The following CSMD1 variants were observed in gnomAD, a reference collection of about 807,000 sequenced individuals.
CSMD1 encodes CUB and sushi domain-containing protein 1.
A neutral mutation model predicts 417.5 loss-of-function variants in CSMD1; 213 were observed. The observed-to-expected ratio is 0.51, with a 90% CI of 0.46 to 0.57. CSMD1 has a LOEUF of 0.57. Among genes scored for constraint, CSMD1 ranks in the 20% least tolerant of loss-of-function variants. The pLI, the probability that CSMD1 is intolerant of heterozygous loss-of-function variation, is 0.00. For missense variants in CSMD1, 6,923 were observed against 4,529.7 expected (o/e 1.53, Z -15.17); for synonymous variants, 2,862 against 1,736.8 (o/e 1.65, Z -16.11).
chr8:3,513,821 T>A (rs1242707201), intron 10 of CSMD1, among the ~76,000 whole-genome samples: 7 of 152,108 alleles, frequency 4.6e-5, no homozygotes, highest in Non-Finnish European at 1.0e-4. Flanking sequence ...GAGTACAGAA[T>A]AAGAAAACTG....
intron 1 of CSMD1, among the ~76,000 whole-genome samples, chr8:4,768,336 C>A (rs929816378): frequency 6.6e-6 from 1 of 151,974 alleles, no homozygotes; most frequent in East Asian, 1.9e-4. Context: ...TAACATGAGC[C>A]GGTACACAGA....
At chr8:3,679,855 C>A (rs187637505) in intron 7 of CSMD1, among the ~76,000 whole-genome samples, 7 of 152,184 alleles carry the variant, frequency 4.6e-5, no homozygotes, top group Non-Finnish European at 2.9e-5. Context: ...ACAGTGCAAT[C>A]AAACAAGAAC....
chr8:3,559,494 G>T (rs80346431), intron 10 of CSMD1, among the ~76,000 whole-genome samples: 16,917 of 136,344 alleles, frequency 0.12, 1,055 homozygotes, highest in Middle Eastern at 0.19. Context: ...AAGGCACCGT[G>T]AAGAAGAAGA....
intron 3 of CSMD1, among the ~76,000 whole-genome samples, chr8:4,064,774 C>A (rs1273681996): frequency 1.3e-5 from 2 of 152,132 alleles, no homozygotes; most frequent in Non-Finnish European, 2.9e-5. Flanking sequence ...CAATCCAGTC[C>A]ATTTAGAAAC....
At chr8:3,349,463 C>T (rs181317962) in intron 21 of CSMD1, among the ~76,000 whole-genome samples, 1 of 151,990 alleles carries the variant, frequency 6.6e-6, no homozygotes, top group Admixed American at 6.6e-5. Flanking sequence ...GAGGAGAACG[C>T]TTGACATCCT....
At position 4,440,159 on chromosome 8, in the gene CSMD1, C is replaced by T. The variant is rs191876335; in HGVS notation, c.303-20094G>A. Among the ~76,000 whole-genome samples the T allele has an allele frequency of 1.6e-3, 248 of 152,212 alleles. 2 individuals carry two copies. Among genetic ancestry groups the T allele is most frequent in the African/African-American group, 5.4e-3 (224 of 41,546 alleles). ...GGTGTAAATTTCTTGCTAATTTGGACGTTTCTTTCTAGATTAATAATGTAG... is the reference window on the plus strand; with the variant it reads ...GGTGTAAATTTCTTGCTAATTTGGATGTTTCTTTCTAGATTAATAATGTAG... On this transcript the variant is annotated intron_variant, in intron 2 of 69. Transcript: ENST00000635120.
intron 24 of CSMD1, 130 bp downstream of exon 24, chr8:3,308,182 A>G (rs1290325865): frequency 4.2e-6 from 3 of 711,748 alleles, no homozygotes; most frequent in Admixed American, 2.9e-5. Flanking sequence ...AAATCTCAGA[A>G]TACATAAAAC....
At chr8:3,603,448 G>A (rs961776756) in intron 8 of CSMD1, among the ~76,000 whole-genome samples, 1 of 152,066 alleles carries the variant, frequency 6.6e-6, no homozygotes, top group African/African-American at 2.4e-5. Context: ...TGACAAACCT[G>A]GACTGAGCGC....
chr8:4,066,417 CCA>C (rs72049865), intron 3 of CSMD1, among the ~76,000 whole-genome samples: 5,019 of 152,232 alleles, frequency 0.033, 265 homozygotes, highest in East Asian at 0.29. Flanking sequence ...TTACAGAACA[CCA>C]CAGAGTGCCT....
intron 5 of CSMD1, among the ~76,000 whole-genome samples, chr8:3,818,178 C>T (rs548339362): frequency 6.6e-6 from 1 of 151,998 alleles, no homozygotes; most frequent in Non-Finnish European, 1.5e-5. Flanking sequence ...AGGATGCCAA[C>T]TGCACACTCC....
intron 18 of CSMD1, among the ~76,000 whole-genome samples, chr8:3,379,866 A>G (rs1483707572): frequency 6.6e-6 from 1 of 152,212 alleles, no homozygotes; most frequent in Non-Finnish European, 1.5e-5. Flanking sequence ...AAACACCAAA[A>G]AGCAATGGCA....
At chr8:4,042,576 A>G (rs934567205) in intron 3 of CSMD1, among the ~76,000 whole-genome samples, 1 of 152,050 alleles carries the variant, frequency 6.6e-6, no homozygotes, top group African/African-American at 2.4e-5. Flanking sequence ...AGGTAATAGC[A>G]TAGTAAGGAA....
intron 37 of CSMD1, among the ~76,000 whole-genome samples, chr8:3,179,298 C>T (rs535233594): frequency 2.6e-5 from 4 of 152,136 alleles, no homozygotes; most frequent in African/African-American, 7.2e-5. Flanking sequence ...GAAATGAGTT[C>T]CTCTTAATAA....
At chr8:4,255,839 C>G (rs768586646) in intron 3 of CSMD1, among the ~76,000 whole-genome samples, 1 of 152,212 alleles carries the variant, frequency 6.6e-6, no homozygotes, top group Non-Finnish European at 1.5e-5. Context: ...CCTTGCCTAT[C>G]TTTTAAGTTT....
At chr8:4,828,155 T>A (rs1369683571) in intron 1 of CSMD1, among the ~76,000 whole-genome samples, 1 of 152,184 alleles carries the variant, frequency 6.6e-6, no homozygotes, top group African/African-American at 2.4e-5. Context: ...GAAATTCACT[T>A]CCATCCCACA....
intron 15 of CSMD1, among the ~76,000 whole-genome samples, chr8:3,401,605 C>A (rs1161655835): frequency 1.3e-5 from 2 of 152,188 alleles, no homozygotes; most frequent in Non-Finnish European, 2.9e-5. Flanking sequence ...AACAGCCCTG[C>A]AACTGTAGTA....
At chr8:3,563,442 TAAAA>T (rs60108067) in intron 10 of CSMD1, among the ~76,000 whole-genome samples, 2 of 62,784 alleles carry the variant, frequency 3.2e-5, no homozygotes, top group Non-Finnish European at 6.3e-5. Context: ...TATTAAAAGG[TAAAA>T]AAAAAAAAAA....
rs11371186 is a variant in CSMD1 at position 4,015,661 on chromosome 8, TA to T, written c.610+16243del. ...AATAGATAAAAATCAGTTTGAATCT[TA>T]AAAAAAAAAAAAAAAAAAAAACTCA... On this transcript the variant is annotated intron_variant, in intron 4 of 69. Coordinates refer to ENST00000635120, the MANE Select transcript of CSMD1 (RefSeq NM_033225.6). Among the ~76,000 whole-genome samples the T allele has an allele frequency of 4.2e-3, 411 of 97,468 alleles. 4 individuals are homozygous for T. Among genetic ancestry groups the T allele is most frequent in the African/African-American group, 0.01 (244 of 24,012 alleles). The allele number at this position is 97,468 out of a possible 152,430, so 63.9% of individuals were successfully genotyped here. A position where few individuals can be genotyped will look rare whatever the true frequency, so the allele number is the denominator to read the frequency against.
intron 3 of CSMD1, among the ~76,000 whole-genome samples, chr8:4,233,643 G>C (rs573791213): frequency 6.6e-6 from 1 of 152,268 alleles, no homozygotes; most frequent in Admixed American, 6.5e-5. Flanking sequence ...AGATGCTCCA[G>C]ATCTGTGAGA....
Sources: allele counts gnomAD v4.1 joint callset (sites outside exome capture counted in the v4.1 genomes callset), GRCh38; gene constraint gnomAD v4.1.1; transcripts MANE v1.5; gene names NCBI Gene and HGNC (gene_info 2026-07-23, HGNC 2026-07-21).